Variants in SEC23B observed in about 807,000 individuals in gnomAD.
The protein encoded by SEC23B is SEC23 homolog B, COPII component, also known as protein transport protein Sec23B.
In SEC23B, 77 loss-of-function variants were observed where a neutral mutation model predicts 104.3. The ratio of observed to expected loss-of-function variants is 0.74; its 90% CI spans 0.61 to 0.89. The LOEUF (loss-of-function observed/expected upper bound fraction) is 0.89. Among genes scored for constraint, SEC23B ranks in the 40% least tolerant of loss-of-function variants. The pLI is 0.00. For synonymous variants in SEC23B, 338 were observed against 332.5 expected, an observed-to-expected ratio of 1.02 and a Z score of -0.18; for missense variants, 885 against 949.4, an observed-to-expected ratio of 0.93 and a Z score of 0.89.
intron 4 of SEC23B, among the ~76,000 whole-genome samples, chr20:18,523,467 A>G (rs2060104900): frequency 1.4e-5 from 2 of 142,158 alleles, no homozygotes; most frequent in Admixed American, 7.4e-5. Flanking sequence ...CAATGGCACG[A>G]TCTCAGCTCA....
At chr20:18,522,370 C>T (rs913675715) in intron 4 of SEC23B, among the ~76,000 whole-genome samples, 4 of 152,144 alleles carry the variant, frequency 2.6e-5, no homozygotes, top group South Asian at 2.1e-4. Context: ...CCGTGACCGG[C>T]GCGTTTTGGG....
At position 18,524,676 on chromosome 20, in the gene SEC23B, A is replaced by G. The variant is rs2060118733; in HGVS notation, c.603+7A>G. On this transcript the variant is annotated splice_region_variant and intron_variant, in intron 5 of 19. Coordinates refer to ENST00000650089, the MANE Select transcript of SEC23B (RefSeq NM_006363.6). Reference sequence around the variant, plus strand: ...AACTGCAAAGCAAATACAGGTTTGTACCTTACTTGTACAGGAGCAGAAACA... The same window carrying G: ...AACTGCAAAGCAAATACAGGTTTGTGCCTTACTTGTACAGGAGCAGAAACA... 1 of 1,605,842 alleles carries G rather than the reference A, an allele frequency of 6.2e-7. No homozygotes were observed. The highest frequency in any genetic ancestry group is 2.2e-5 in the East Asian group (1 of 44,852).
intron 11 of SEC23B, among the ~76,000 whole-genome samples, chr20:18,535,204 C>CA (rs955713603): frequency 1.7e-4 from 25 of 150,428 alleles, no homozygotes; most frequent in African/African-American, 5.4e-4. Flanking sequence ...CCACCCCCCC[C>CA]CACACACACG....
intron 19 of SEC23B, among the ~76,000 whole-genome samples, chr20:18,555,989 G>A (rs1405772584): frequency 6.6e-6 from 1 of 151,578 alleles, no homozygotes; most frequent in Non-Finnish European, 1.5e-5. Flanking sequence ...GGGGTGACGG[G>A]AGACGGTGAC....
chr20:18,543,244 AATT>A, intron 14 of SEC23B, 72 bp downstream of exon 14: 2 of 1,576,678 alleles, frequency 1.3e-6, no homozygotes, highest in South Asian at 1.1e-5. Context: ...ATTGTCACTT[AATT>A]ATTATTATAT....
rs762600147 is a variant in SEC23B, at chr20:18,524,446, C to T, written c.380C>T (p.Ser127Phe). ...CTTTGCCCAAAGCGAGGTGCTCAGT[C>T]CCCTCTGATCTTTCTCTATGTGGTT... ...IEYVIQRGAQSPLIFLYVVDT... is the reference protein window; with the variant it reads ...IEYVIQRGAQFPLIFLYVVDT... The change falls in exon 5 of 20, where the codon TCC (serine) becomes TTC (phenylalanine). Residue 127 changes from serine (S) to phenylalanine (F), a missense_variant. Physicochemically the swap from Ser to Phe is radical, Grantham distance 155. Transcript: ENST00000650089. 11 of 1,613,840 alleles carry T rather than the reference C, an allele frequency of 6.8e-6. No individual in the cohort carries two copies. The East Asian group carries it at 2.0e-4, about 29-fold the overall frequency.
intron 14 of SEC23B, among the ~76,000 whole-genome samples, chr20:18,544,991 G>C (rs965425153): frequency 1.3e-5 from 2 of 150,026 alleles, no homozygotes; most frequent in Non-Finnish European, 3.0e-5. Flanking sequence ...GTGGGAGAAA[G>C]TTTTTTCTCT....
At chr20:18,519,302 TGGGAGACTCAACAAA>T (rs2060061666) in intron 4 of SEC23B, among the ~76,000 whole-genome samples, 1 of 152,046 alleles carries the variant, frequency 6.6e-6, no homozygotes, top group African/African-American at 2.4e-5. Flanking sequence ...ATGGTAACTG[TGGGAGACTCAACAAA>T]GAGTGAGTAC....
At chr20:18,532,870 C>A in intron 11 of SEC23B, 126 bp downstream of exon 11, 1 of 740,490 alleles carries the variant, frequency 1.4e-6, no homozygotes, top group Non-Finnish European at 2.5e-6. Context: ...GAAGGGCTAA[C>A]CCTCACTGAT....
chr20:18,543,829 A>G (rs1369271051), intron 14 of SEC23B, among the ~76,000 whole-genome samples: 1 of 152,176 alleles, frequency 6.6e-6, no homozygotes, highest in Non-Finnish European at 1.5e-5. Flanking sequence ...CACTTTCTAG[A>G]ATTTGAAGAA....
In SEC23B at chr20:18,526,309, A is replaced by T. The variant is rs1568606727; in HGVS notation, c.835-64A>T. ...GCATCTTTGGAGTATTTCTATTGGG[A>T]AACTGAAACCATACTAAAAGGTGAG... is the stretch of plus-strand genomic sequence containing the variant. On this transcript the variant is annotated intron_variant, in intron 7 of 19. Coordinates refer to ENST00000650089, the MANE Select transcript of SEC23B (RefSeq NM_006363.6). The T allele has an allele frequency of 3.4e-5, 53 of 1,569,358 alleles. 1 individual carries two copies. In the South Asian group the frequency reaches 5.3e-4, roughly 16 times the overall value.
At chr20:18,508,722 T>TTTTTC (rs2059954978) in intron 1 of SEC23B, among the ~76,000 whole-genome samples, 1 of 139,742 alleles carries the variant, frequency 7.2e-6, no homozygotes, top group Non-Finnish European at 1.6e-5. Flanking sequence ...GCTTCTTTTT[T>TTTTTC]TTTTTTTTTT....
chr20:18,554,293 A>C lies in SEC23B; in HGVS notation c.2051A>C (p.Lys684Thr). The C allele has an allele frequency of 6.2e-7, 1 of 1,614,204 alleles. No homozygotes were observed. The highest frequency in any genetic ancestry group is 1.3e-5 in the African/African-American group (1 of 75,054). ...GACATGCCCGAGTATGAAAACTTCA[A>C]GCACCTTCTGCAGGCACCACTGGAT... ...YQDMPEYENFKHLLQAPLDDA... is the reference protein window; with the variant it reads ...YQDMPEYENFTHLLQAPLDDA... Residue 684 changes from lysine (K) to threonine (T), a missense_variant, in exon 18 of 20, where the codon AAG becomes ACG. Physicochemically the swap from Lys to Thr is moderately conservative, Grantham distance 78. Transcript: ENST00000650089.
chr20:18,530,827 T>A, intron 10 of SEC23B, 24 bp downstream of exon 10: 4 of 1,573,766 alleles, frequency 2.5e-6, no homozygotes, highest in Non-Finnish European at 2.6e-6. Flanking sequence ...TTTTTTTTTT[T>A]TATGTGGACT....
chr20:18,513,827 T>C (rs1485046897), intron 3 of SEC23B, among the ~76,000 whole-genome samples: 1 of 152,242 alleles, frequency 6.6e-6, no homozygotes, highest in Non-Finnish European at 1.5e-5. Flanking sequence ...GCATAGTGGC[T>C]AAAGAGCCAG....
chr20:18,542,907 G>C, intron 13 of SEC23B, 112 bp from the exon 14 acceptor site: 1 of 1,379,914 alleles, frequency 7.2e-7, no homozygotes, highest in Non-Finnish European at 1.0e-6. Flanking sequence ...CCAAAGTGTT[G>C]GGATTTCAGG....
intron 16 of SEC23B, 134 bp downstream of exon 16, chr20:18,548,904 T>C: frequency 2.4e-6 from 2 of 818,226 alleles, no homozygotes; most frequent in South Asian, 3.2e-5. Flanking sequence ...ACATTATTTC[T>C]ATTAAAAAAT....
Position 18,551,303 on chromosome 20 carries a change from A to T in SEC23B, c.1992+128A>T, listed in dbSNP as rs1049073705. ...TGGTTTTTGTTTTCTTCTCTTATTTATTAAGTTAGGTTTTTAATGACATTT... is the reference window on the plus strand; with the variant it reads ...TGGTTTTTGTTTTCTTCTCTTATTTTTTAAGTTAGGTTTTTAATGACATTT... On this transcript the variant is annotated intron_variant, in intron 17 of 19. Transcript: ENST00000650089. The T allele has an allele frequency of 2.1e-5, 13 of 631,920 alleles. No homozygotes were observed. In the African/African-American group the frequency reaches 2.4e-4, roughly 12 times the overall value. The allele number at this position is 631,920 out of a possible 1,614,324, so 39.1% of individuals were successfully genotyped here.
rs201270568 is a variant in SEC23B at position 18,554,343 on chromosome 20, C to T, written c.2101C>T (p.Arg701Cys). 93 of 1,614,078 alleles carry T rather than the reference C, an allele frequency of 5.8e-5. No individual in the cohort carries two copies. Among genetic ancestry groups the T allele is most frequent in the Admixed American group, 6.7e-5 (4 of 60,006 alleles). ...LDDAQEILQA[R>C]FPMPRYINTE... ...TGATGCTCAAGAAATTCTGCAAGCA[C>T]GCTTCCCGATGCCACGTTACATCAA... is the stretch of plus-strand genomic sequence containing the variant. Residue 701 changes from arginine to cysteine, a missense_variant, in exon 18 of 20, where the codon CGC (arginine) becomes TGC (cysteine). Transcript: ENST00000650089.
Sources: gnomAD v4.1 joint callset for allele counts (sites outside exome capture counted in the v4.1 genomes callset) on GRCh38, gnomAD v4.1.1 for gene constraint, MANE v1.5 for transcripts, NCBI Gene and HGNC (gene_info 2026-07-23, HGNC 2026-07-21) for gene names.